GPC6: variants seen among roughly 807,000 people sequenced by gnomAD.
GPC6 encodes glypican-6.
Under a neutral mutation model 55.2 loss-of-function variants are expected in GPC6, and 14 were observed. The ratio of observed to expected loss-of-function variants is 0.25; its 90% CI spans 0.17 to 0.40. GPC6 has a LOEUF of 0.40. GPC6 is among the 10% of genes least tolerant of loss of function. The pLI is 1.00. For synonymous variants in GPC6, 278 were observed against 259.6 expected, an observed-to-expected ratio of 1.07 and a Z score of -0.68; for missense variants, 641 against 708.5, an observed-to-expected ratio of 0.90 and a Z score of 1.08.
intron 4 of GPC6, among the ~76,000 whole-genome samples, chr13:94,278,944 G>T (rs1471107910): frequency 1.3e-5 from 2 of 152,262 alleles, no homozygotes; most frequent in East Asian, 3.9e-4. Context: ...TATGATGCTG[G>T]CTTCATAAAA....
chr13:93,531,481 A>G (rs1434882754), intron 1 of GPC6, among the ~76,000 whole-genome samples: 8 of 152,008 alleles, frequency 5.3e-5, no homozygotes, highest in Admixed American at 5.2e-4. Flanking sequence ...AAACCTTTCA[A>G]CTGATTAGGT....
chr13:93,904,261 G>A (rs1210804027), intron 3 of GPC6, among the ~76,000 whole-genome samples: 2 of 152,158 alleles, frequency 1.3e-5, no homozygotes, highest in Non-Finnish European at 2.9e-5. Context: ...TGAGGTTCAA[G>A]AGTAGAACTG....
At chr13:93,338,013 C>T (rs1880106815) in intron 1 of GPC6, among the ~76,000 whole-genome samples, 1 of 152,164 alleles carries the variant, frequency 6.6e-6, no homozygotes. Context: ...GGAAAGGCCT[C>T]CCTATTACCC....
intron 1 of GPC6, among the ~76,000 whole-genome samples, chr13:93,489,014 C>T (rs1237377199): frequency 1.3e-5 from 2 of 151,520 alleles, no homozygotes; most frequent in Admixed American, 6.6e-5. Context: ...GTTGCCATTG[C>T]TCTTGGTGTT....
chr13:93,951,668 C>T (rs1009339426), intron 3 of GPC6, among the ~76,000 whole-genome samples: 3 of 151,980 alleles, frequency 2.0e-5, no homozygotes, highest in South Asian at 2.1e-4. Context: ...TTTCTTCATC[C>T]GTATAGTAAT....
chr13:93,799,527 G>A (rs1373767216), intron 2 of GPC6, among the ~76,000 whole-genome samples: 1 of 152,200 alleles, frequency 6.6e-6, no homozygotes, highest in East Asian at 1.9e-4. Flanking sequence ...GGCAAGGAAT[G>A]TAATTGAATT....
At chr13:93,359,425 TTC>T (rs1880969657) in intron 1 of GPC6, among the ~76,000 whole-genome samples, 1 of 152,180 alleles carries the variant, frequency 6.6e-6, no homozygotes, top group Non-Finnish European at 1.5e-5. Context: ...TAATCGTACA[TTC>T]TGTGCCTGTG....
intron 2 of GPC6, among the ~76,000 whole-genome samples, chr13:93,798,594 G>T (rs1009894671): frequency 1.3e-5 from 2 of 152,120 alleles, no homozygotes; most frequent in Admixed American, 6.5e-5. Flanking sequence ...ATGGCTATCA[G>T]TAAGAAGGTC....
chr13:94,227,937 C>T (rs935689765), intron 4 of GPC6, among the ~76,000 whole-genome samples: 11 of 152,152 alleles, frequency 7.2e-5, no homozygotes, highest in African/African-American at 2.7e-4. Flanking sequence ...CTCAGTTCCT[C>T]AGTAGTCCAA....
intron 3 of GPC6, among the ~76,000 whole-genome samples, chr13:93,938,503 A>G (rs1415153521): frequency 6.6e-6 from 1 of 152,184 alleles, no homozygotes; most frequent in African/African-American, 2.4e-5. Flanking sequence ...AATCAGATAT[A>G]TTGGGATAGC....
At chr13:93,851,297 C>G (rs1888386826) in intron 3 of GPC6, among the ~76,000 whole-genome samples, 1 of 151,930 alleles carries the variant, frequency 6.6e-6, no homozygotes, top group South Asian at 2.1e-4. Context: ...CACTCATGAT[C>G]TATTTGGTGT....
intron 1 of GPC6, among the ~76,000 whole-genome samples, chr13:93,434,954 C>T (rs1476542775): frequency 1.3e-5 from 2 of 152,152 alleles, no homozygotes; most frequent in African/African-American, 4.8e-5. Context: ...ATCCGCCTGC[C>T]TTGGCCTCCC....
At chr13:94,122,813 A>G (rs1209224107) in intron 4 of GPC6, among the ~76,000 whole-genome samples, 1 of 152,068 alleles carries the variant, frequency 6.6e-6, no homozygotes, top group African/African-American at 2.4e-5. Flanking sequence ...TTGAATTTTA[A>G]TGCTTACTTC....
chr13:93,983,286 A>G (rs1282899237), intron 3 of GPC6, among the ~76,000 whole-genome samples: 1 of 152,194 alleles, frequency 6.6e-6, no homozygotes, highest in Non-Finnish European at 1.5e-5. Flanking sequence ...TACAGTAAAT[A>G]TGAATGTTTT....
chr13:93,364,801 T>C (rs1012913668), intron 1 of GPC6, among the ~76,000 whole-genome samples: 13 of 151,706 alleles, frequency 8.6e-5, no homozygotes, highest in African/African-American at 2.9e-4. Context: ...AATTGGCTAA[T>C]TGTATATGAT....
intron 2 of GPC6, among the ~76,000 whole-genome samples, chr13:93,709,938 A>G (rs1433370134): frequency 4.0e-5 from 6 of 151,826 alleles, no homozygotes; most frequent in Non-Finnish European, 8.8e-5. Context: ...AGGACTAGGA[A>G]CAAACATAAT....
chr13:93,371,081 T>C (rs183472276), intron 1 of GPC6, among the ~76,000 whole-genome samples: 16 of 152,272 alleles, frequency 1.1e-4, no homozygotes, highest in East Asian at 9.7e-4. Context: ...GCTATGTGGA[T>C]GGTTGTGACA....
intron 2 of GPC6, among the ~76,000 whole-genome samples, chr13:93,585,832 A>C (rs1028305659): frequency 6.6e-6 from 1 of 152,212 alleles, no homozygotes; most frequent in Non-Finnish European, 1.5e-5. Flanking sequence ...TTTAAAATGA[A>C]GATATGGCTA....
At chr13:94,106,684 G>C (rs1257798710) in intron 4 of GPC6, among the ~76,000 whole-genome samples, 1 of 152,062 alleles carries the variant, frequency 6.6e-6, no homozygotes, top group Admixed American at 6.6e-5. Context: ...GAAAAAGGAA[G>C]GGATAGGTAA....
Sources: gnomAD v4.1 joint callset for allele counts (sites outside exome capture counted in the v4.1 genomes callset) on GRCh38, gnomAD v4.1.1 for gene constraint, MANE v1.5 for transcripts, NCBI Gene and HGNC (gene_info 2026-07-23, HGNC 2026-07-21) for gene names.